Variants in YME1L1 observed in about 807,000 individuals in gnomAD.
YME1L1 encodes the protein ATP-dependent zinc metalloprotease YME1L1.
Under a neutral mutation model 90.4 loss-of-function variants are expected in YME1L1, and 39 were observed. The observed-to-expected ratio is 0.43, with a 90% confidence interval of 0.33 to 0.56. YME1L1 has a LOEUF of 0.56. Ranked by LOEUF, YME1L1 falls within the 20% of genes least tolerant of loss-of-function variation. YME1L1 has a pLI of 0.03. For synonymous variants in YME1L1, 284 were observed against 287.3 expected (o/e 0.99, Z 0.12); for missense variants, 617 against 868.4 (o/e 0.71, Z 3.64).
In YME1L1 at chr10:27,138,013, T is replaced by C. The variant is rs966682089; in HGVS notation, c.431-1628A>G. On this transcript the variant is annotated intron_variant, in intron 4 of 18. Transcript: ENST00000376016. Reference sequence around the variant, plus strand: ...CTACTTACTTCTAATATTTTCAGTTTTATATTTTTGTTTTCAACCCTTTAA... The same window carrying C: ...CTACTTACTTCTAATATTTTCAGTTCTATATTTTTGTTTTCAACCCTTTAA... Among the ~76,000 whole-genome samples the C allele has an allele frequency of 2.0e-5, 3 of 152,096 alleles. No homozygotes were observed. The South Asian group carries it at 6.2e-4, about 31-fold the overall frequency.
rs375615447 is a variant in YME1L1 at position 27,123,610 on chromosome 10, A to C, written c.1039T>G (p.Ser347Ala). Residue 347 changes from serine to alanine, a missense_variant, in exon 10 of 19, where the codon TCT becomes GCT. Ser to Ala is a moderately conservative substitution (Grantham distance 99, BLOSUM62 1). Coordinates refer to ENST00000376016, the MANE Select transcript of YME1L1 (RefSeq NM_014263.4). The part of the protein sequence containing the change: ...GEADVPFYYA[S>A]GSEFDEMFVG... ...AACATCTCATCAAATTCGGATCCAG[A>C]AGCATAATAAAAAGGAACATCAGCT... is the stretch of plus-strand genomic sequence containing the variant. 2.1e-5 allele frequency: 34 copies of C among 1,613,862 alleles called. No individual in the cohort carries two copies. Among genetic ancestry groups the C allele is most frequent in the Non-Finnish European group, 2.7e-5 (32 of 1,179,914 alleles).
chr10:27,126,590 C>A, intron 9 of YME1L1, 106 bp downstream of exon 9: 3 of 595,286 alleles, frequency 5.0e-6, no homozygotes, highest in Non-Finnish European at 8.5e-6. Context: ...GCAATTAAGA[C>A]TTAAACTTTA....
At chr10:27,151,859 C>A (rs906781946) in intron 1 of YME1L1, among the ~76,000 whole-genome samples, 2 of 142,040 alleles carry the variant, frequency 1.4e-5, no homozygotes, top group East Asian at 4.2e-4. Context: ...CCAGCCTGGG[C>A]GACAGAGCGA....
intron 10 of YME1L1, 130 bp downstream of exon 10, chr10:27,123,416 AT>A: frequency 9.8e-7 from 1 of 1,018,804 alleles, no homozygotes; most frequent in African/African-American, 1.7e-5. Flanking sequence ...ACTAATTAGC[AT>A]GCAAAGCTGG....
At position 27,134,825 on chromosome 10, in the gene YME1L1, A is replaced by T. The variant is rs1482141553; in HGVS notation, c.691+6T>A. The T allele has an allele frequency of 1.9e-6, 3 of 1,613,650 alleles. No homozygotes were observed. Among genetic ancestry groups the T allele is most frequent in the East Asian group, 4.5e-5 (2 of 44,858 alleles). On this transcript the variant is annotated splice_donor_region_variant and intron_variant, in intron 6 of 18. Transcript: ENST00000376016. ...CTCAAACACGGATGGTGTCAATTCA[A>T]CTTACCATTGGTTTTTTGTGTGAGT...
chr10:27,135,341 T>C (rs181390248), intron 5 of YME1L1, among the ~76,000 whole-genome samples: 117 of 152,340 alleles, frequency 7.7e-4, no homozygotes, highest in Non-Finnish European at 1.5e-3. Flanking sequence ...ACCGTTCATA[T>C]ACTTGGCCTT....
chr10:27,143,567 G>A (rs764817714), intron 3 of YME1L1, among the ~76,000 whole-genome samples: 10 of 150,674 alleles, frequency 6.6e-5, no homozygotes, highest in East Asian at 2.0e-4. Context: ...GCGTGGTGGC[G>A]GATGCGTGTA....
intron 4 of YME1L1, among the ~76,000 whole-genome samples, chr10:27,141,621 C>T (rs1218882784): frequency 6.9e-6 from 1 of 145,662 alleles, no homozygotes; most frequent in Non-Finnish European, 1.5e-5. Context: ...CACACACACA[C>T]ACACACACAC....
intron 2 of YME1L1, chr10:27,147,229 G>A: frequency 1.5e-5 from 9 of 608,968 alleles, no homozygotes; most frequent in South Asian, 6.1e-5. Context: ...ATGGTGGCTC[G>A]AGCCTGTAAT....
chr10:27,123,402 CAAA>C, intron 10 of YME1L1, 142 bp downstream of exon 10: 6 of 903,634 alleles, frequency 6.6e-6, no homozygotes. Flanking sequence ...AACTATCAAT[CAAA>C]ACTAATTAGC....
rs151335590 is a variant in YME1L1 at position 27,134,094 on chromosome 10, G to C, written c.720C>G (p.Leu240=). The change falls in exon 7 of 19, where the codon CTC becomes CTG. Residue 240 remains leucine, a synonymous_variant. Coordinates refer to ENST00000376016, the MANE Select transcript of YME1L1 (RefSeq NM_014263.4). The part of the protein sequence containing the change: ...NDSLRRTRLI[L]FVLLLFGIYG... ...AAATGCCGAATAGCAGCAGAACGAA[G>C]AGAATCAGACGGGTTCGCCTTAGGG... is the stretch of plus-strand genomic sequence containing the variant. The C allele has an allele frequency of 4.3e-5, 70 of 1,613,494 alleles. No homozygotes were observed. In the African/African-American group the frequency reaches 9.1e-4, roughly 21 times the overall value.
intron 12 of YME1L1, 60 bp from the exon 13 acceptor site, chr10:27,120,607 G>A: frequency 7.3e-7 from 1 of 1,367,656 alleles, no homozygotes; most frequent in Non-Finnish European, 1.0e-6. Context: ...AAATTCAACA[G>A]GACTGACACC....
Position 27,154,358 on chromosome 10 carries a change from C to A in YME1L1, c.-148G>T, listed in dbSNP as rs775091419. 5 of 869,876 alleles carry A rather than the reference C, an allele frequency of 5.7e-6. No homozygotes were observed. The highest frequency in any genetic ancestry group is 8.8e-6 in the Non-Finnish European group (5 of 567,628). The allele number at this position is 869,876 out of a possible 1,614,324, so 53.9% of individuals were successfully genotyped here. A position where few individuals can be genotyped will look rare whatever the true frequency, so the allele number is the denominator to read the frequency against. On this transcript the variant is annotated 5_prime_UTR_variant, in exon 1 of 19. In the 5' UTR this introduces an upstream ATG that the reference lacks. Transcript: ENST00000376016. ...TCCCAGAAACGGAAAATGGCCTCCC[C>A]TTCCTACAGCTACTGCAACGACAGA...
chr10:27,154,121 T>G, intron 1 of YME1L1, 57 bp downstream of exon 1: 1 of 1,556,924 alleles, frequency 6.4e-7, no homozygotes, highest in South Asian at 1.2e-5. Flanking sequence ...GAGCGCAATT[T>G]GCAAACAGCC....
chr10:27,150,767 T>A (rs975431174), intron 1 of YME1L1, among the ~76,000 whole-genome samples: 4 of 152,180 alleles, frequency 2.6e-5, no homozygotes, highest in Non-Finnish European at 5.9e-5. Context: ...AACTTATGAA[T>A]AATCACACAT....
rs1425486934 is a variant in YME1L1 at position 27,116,064 on chromosome 10, T to G, written c.1916A>C (p.Glu639Ala). 6 of 1,612,608 alleles carry G rather than the reference T, an allele frequency of 3.7e-6. No homozygotes were observed. Among genetic ancestry groups the G allele is most frequent in the African/African-American group, 2.7e-5 (2 of 74,898 alleles). ...KRMVTKFGMS[E>A]KLGVMTYSDT... ...AGGATTTAAAAAATCTATTACCTTT[T>G]CACTCATTCCAAATTTGGTAACCAT... Residue 639 changes from glutamate to alanine, a missense_variant, in exon 17 of 19, where the codon GAA (glutamate) becomes GCA (alanine). Physicochemically the swap from Glu to Ala is moderately radical, Grantham distance 107. This residue lies in a region of YME1L1 where 212 missense variants were observed against 330.0 expected (regional missense o/e 0.64). Transcript: ENST00000376016.
intron 2 of YME1L1, chr10:27,147,547 G>T (rs1445541497): frequency 6.2e-7 from 1 of 1,610,626 alleles, no homozygotes; most frequent in Non-Finnish European, 8.5e-7. Context: ...GTTATCGGTT[G>T]TGTCCAAGCT....
chr10:27,119,158 C>G, intron 14 of YME1L1, 136 bp downstream of exon 14: 1 of 864,682 alleles, frequency 1.2e-6, no homozygotes, highest in South Asian at 2.6e-5. Context: ...CTTGAAAACC[C>G]AGACACTGAA....
At chr10:27,116,906 G>GAT (rs1342723686) in intron 15 of YME1L1, among the ~76,000 whole-genome samples, 3 of 151,808 alleles carry the variant, frequency 2.0e-5, no homozygotes, top group Non-Finnish European at 4.4e-5. Context: ...ATACAGTTCT[G>GAT]ATATAGTTAC....
Sources: gnomAD v4.1 joint callset for allele counts (sites outside exome capture counted in the v4.1 genomes callset) on GRCh38, gnomAD v4.1.1 for gene constraint, gnomAD v4.1.1 regional missense constraint, MANE v1.5 for transcripts, NCBI Gene and HGNC (gene_info 2026-07-23, HGNC 2026-07-21) for gene names.